Variants in ZC3HC1 observed in about 807,000 individuals in gnomAD.
The protein encoded by ZC3HC1 is zinc finger C3HC-type containing 1.
A neutral mutation model predicts 61.9 loss-of-function variants in ZC3HC1; 38 were observed. The observed-to-expected ratio is 0.61, with a 90% confidence interval of 0.47 to 0.81. ZC3HC1 has a LOEUF of 0.81. Among genes scored for constraint, ZC3HC1 ranks in the 30% least tolerant of loss-of-function variants. The pLI, the probability that ZC3HC1 is intolerant of heterozygous loss-of-function variation, is 0.00. For synonymous variants in ZC3HC1, 213 were observed against 229.9 expected, an observed-to-expected ratio of 0.93 and a Z score of 0.67; for missense variants, 554 against 622.7, an observed-to-expected ratio of 0.89 and a Z score of 1.17.
At chr7:130,043,148 G>T (rs1370360017) in intron 2 of ZC3HC1, among the ~76,000 whole-genome samples, 1 of 152,024 alleles carries the variant, frequency 6.6e-6, no homozygotes, top group Non-Finnish European at 1.5e-5. Flanking sequence ...GTGGTAGTAT[G>T]TACCTGTAAT....
At chr7:130,051,130 G>T (rs1795057725) in intron 1 of ZC3HC1, 91 bp downstream of exon 1, 6 of 1,485,582 alleles carry the variant, frequency 4.0e-6, no homozygotes, top group South Asian at 1.4e-5. Context: ...CCGAGTCGCC[G>T]ACCGAGGGGA....
rs984710291 is a variant in ZC3HC1, at chr7:130,024,470, T to C, written c.813A>G (p.Thr271=). The C allele has an allele frequency of 1.5e-5, 25 of 1,613,822 alleles. No individual in the cohort carries two copies. The highest frequency in any genetic ancestry group is 2.1e-5 in the Non-Finnish European group (25 of 1,179,858). The part of the protein sequence containing the change: ...SLESMQLSLI[T]CSQCMRKVGL... ...CCACCTTCCTCATACATTGCGAACA[T>C]GTTATCAGGGAGAGCTGCATGGATT... The change falls in exon 7 of 10, where the codon ACA becomes ACG. Residue 271 remains threonine (T), a synonymous_variant. Coordinates refer to ENST00000358303, the MANE Select transcript of ZC3HC1 (RefSeq NM_016478.5).
Position 130,024,443 on chromosome 7 carries a change from C to A in ZC3HC1, c.840G>T (p.Gly280=), listed in dbSNP as rs755686231. ...ATTCAATCTGCTGGAAGCCCCAGAG[C>A]CCCACCTTCCTCATACATTGCGAAC... ...ITCSQCMRKV[G]LWGFQQIESS... Residue 280 remains glycine (G), a synonymous_variant, in exon 7 of 10, where the codon GGG becomes GGT. Transcript: ENST00000358303. 1.2e-6 allele frequency: 2 copies of A among 1,614,118 alleles called. No homozygotes were observed. The highest frequency in any genetic ancestry group is 1.7e-6 in the Non-Finnish European group (2 of 1,179,998).
chr7:130,034,735 C>T (rs1412112321), intron 4 of ZC3HC1, among the ~76,000 whole-genome samples: 1 of 152,082 alleles, frequency 6.6e-6, no homozygotes, highest in Non-Finnish European at 1.5e-5. Flanking sequence ...AAGTGATCCT[C>T]CCACCTTGGC....
intron 9 of ZC3HC1, among the ~76,000 whole-genome samples, chr7:130,021,946 G>A (rs921257372): frequency 2.0e-5 from 3 of 152,058 alleles, no homozygotes; most frequent in African/African-American, 7.2e-5. Context: ...AGGCCGAGGC[G>A]GGGGGATCAC....
intron 9 of ZC3HC1, 44 bp downstream of exon 9, chr7:130,022,275 A>G: frequency 6.2e-7 from 1 of 1,612,464 alleles, no homozygotes; most frequent in Non-Finnish European, 8.5e-7. Context: ...CACCTCCCAT[A>G]AACAGCAAGT....
At chr7:130,027,189 A>C (rs2116685388) in intron 5 of ZC3HC1, 1 of 152,102 alleles carries the variant, frequency 6.6e-6, no homozygotes, top group East Asian at 1.9e-4. Context: ...TTCTAAGAAA[A>C]ATAAGGAACT....
At chr7:130,043,720 C>T (rs1794764993) in intron 2 of ZC3HC1, 3 of 376,238 alleles carry the variant, frequency 8.0e-6, no homozygotes, top group South Asian at 4.1e-5. Context: ...CAGCTCAGCC[C>T]AGGGTGTCAG....
chr7:130,051,279 G>A lies in ZC3HC1; in HGVS notation c.88C>T (p.Gln30Ter). Residue 30 changes from glutamine to a stop codon, truncating the protein, a stop_gained, in exon 1 of 10, where the codon CAG becomes TAG. Transcript: ENST00000358303. LOFTEE classifies it high-confidence loss of function. ...AVVRSPEGTP[Q>*]KIRQLIDEGI... Reference sequence around the variant, plus strand: ...TCATCTATCAGCTGCCGGATTTTCTGGGGGGTCCCTTCTGGGGAGCGAACT... The same window carrying A: ...TCATCTATCAGCTGCCGGATTTTCTAGGGGGTCCCTTCTGGGGAGCGAACT... 1.2e-6 allele frequency: 2 copies of A among 1,612,070 alleles called. No individual in the cohort carries two copies. Among genetic ancestry groups the A allele is most frequent in the Non-Finnish European group, 1.7e-6 (2 of 1,179,072 alleles).
rs1584831619 is a variant in ZC3HC1, at chr7:130,018,588, C to A, written c.*76G>T. 2.3e-6 allele frequency: 3 copies of A among 1,329,768 alleles called. No homozygotes were observed. Among genetic ancestry groups the A allele is most frequent in the African/African-American group, 2.9e-5 (2 of 68,968 alleles). The allele number at this position is 1,329,768 out of a possible 1,614,324, so 82.4% of individuals were successfully genotyped here. A position where few individuals can be genotyped will look rare whatever the true frequency, so the allele number is the denominator to read the frequency against. ...ACAGGAAAAACTTAGTGTCAGCTGA[C>A]CGAAAGGAACTCAGCCTTAATTTTT... is the stretch of plus-strand genomic sequence containing the variant. On this transcript the variant is annotated 3_prime_UTR_variant, in exon 10 of 10. Transcript: ENST00000358303.
Position 130,023,442 on chromosome 7 carries a change from C to T in ZC3HC1, c.1233+69G>A, listed in dbSNP as rs1793735692. On this transcript the variant is annotated intron_variant, in intron 8 of 9. Coordinates refer to ENST00000358303, the MANE Select transcript of ZC3HC1 (RefSeq NM_016478.5). The surrounding 1 kb of genome is among the most constrained non-coding windows in gnomAD (Gnocchi z 4.2). The stretch of plus-strand genomic sequence containing the variant: ...CACGGAAGGGCTCCTGCCTGCTTCT[C>T]CATGCTGCCTAGGGAGGGCCCAATA... 6 of 1,483,122 alleles carry T rather than the reference C, an allele frequency of 4.0e-6. No individual in the cohort carries two copies. The highest frequency in any genetic ancestry group is 1.9e-5 in the Admixed American group (1 of 53,288). The allele number at this position is 1,483,122 out of a possible 1,614,324, so 91.9% of individuals were successfully genotyped here.
chr7:130,031,484 A>G (rs1272546172), intron 4 of ZC3HC1, among the ~76,000 whole-genome samples: 3 of 152,134 alleles, frequency 2.0e-5, no homozygotes, highest in Non-Finnish European at 4.4e-5. Flanking sequence ...TGCCTAGAAC[A>G]TTATACTGTC....
intron 1 of ZC3HC1, among the ~76,000 whole-genome samples, chr7:130,050,203 G>A (rs1301583224): frequency 4.0e-5 from 6 of 151,676 alleles, no homozygotes; most frequent in South Asian, 2.1e-4. Context: ...TCAGCCTCCC[G>A]AGTAGCTGGG....
At chr7:130,029,145 C>A in intron 4 of ZC3HC1, 116 bp from the exon 5 acceptor site, 12 of 1,181,046 alleles carry the variant, frequency 1.0e-5, no homozygotes, top group Non-Finnish European at 1.4e-5. Flanking sequence ...CCGAGGCGGG[C>A]GGATCACCTG....
Position 130,024,508 on chromosome 7 carries a change from T to C in ZC3HC1, c.777-2A>G. 2 of 1,594,678 alleles carry C rather than the reference T, an allele frequency of 1.3e-6. No individual in the cohort carries two copies. The highest frequency in any genetic ancestry group is 1.7e-6 in the Non-Finnish European group (2 of 1,169,764). On this transcript the variant is annotated splice_acceptor_variant, in intron 6 of 9. Transcript: ENST00000358303. LOFTEE classifies it high-confidence loss of function. Reference sequence around the variant, plus strand: ...AGCTGCATGGATTCCAAAGAGGAACTAGATAGGAATGAAAAAGAGAGTTTT... The same window carrying C: ...AGCTGCATGGATTCCAAAGAGGAACCAGATAGGAATGAAAAAGAGAGTTTT...
chr7:130,034,445 A>G (rs1323934672), intron 4 of ZC3HC1, among the ~76,000 whole-genome samples: 1 of 125,528 alleles, frequency 8.0e-6, no homozygotes, highest in Non-Finnish European at 1.6e-5. Context: ...AGACCCTGCC[A>G]CTGCACTCTA....
chr7:130,023,617 C>T lies in ZC3HC1; in HGVS notation c.1127G>A (p.Arg376His), dbSNP rs750491521. Reference protein sequence around the residue: ...PEAASPTTRTRPVTRSMGTGD... With the variant: ...PEAASPTTRTHPVTRSMGTGD... ...TGTTCCCATGCTTCGGGTCACTGGG[C>T]GAGTTCTGGTGGTGGGGCTAGCAGC... is the stretch of plus-strand genomic sequence containing the variant. Residue 376 changes from arginine to histidine, a missense_variant, in exon 8 of 10, where the codon CGC becomes CAC. By Grantham distance (29) the Arg-to-His change is conservative. Coordinates refer to ENST00000358303, the MANE Select transcript of ZC3HC1 (RefSeq NM_016478.5). The surrounding 1 kb of genome is among the most constrained non-coding windows in gnomAD (Gnocchi z 4.2). 27 of 1,614,088 alleles carry T rather than the reference C, an allele frequency of 1.7e-5. No homozygotes were observed. Among genetic ancestry groups the T allele is most frequent in the Admixed American group, 3.3e-5 (2 of 59,990 alleles).
intron 4 of ZC3HC1, among the ~76,000 whole-genome samples, chr7:130,029,729 A>T (rs1027800668): frequency 6.6e-6 from 1 of 152,168 alleles, no homozygotes; most frequent in African/African-American, 2.4e-5. Flanking sequence ...ATATGTGTGA[A>T]ATTGTTACCT....
chr7:130,029,338 G>A (rs1794075768), intron 4 of ZC3HC1, among the ~76,000 whole-genome samples: 1 of 152,044 alleles, frequency 6.6e-6, no homozygotes, highest in African/African-American at 2.4e-5. Flanking sequence ...TCGTGCCACT[G>A]TGCTCCAGCC....
Sources: gnomAD v4.1 joint callset for allele counts (sites outside exome capture counted in the v4.1 genomes callset) on GRCh38, gnomAD v4.1.1 for gene constraint, Gnocchi (gnomAD v3.1) non-coding constraint, MANE v1.5 for transcripts, NCBI Gene and HGNC (gene_info 2026-07-23, HGNC 2026-07-21) for gene names.